The following ZRANB3 variants were observed in gnomAD, a reference collection of about 807,000 sequenced individuals.
ZRANB3 encodes the protein zinc finger RANBP2-type containing 3.
A neutral mutation model predicts 133.8 loss-of-function variants in ZRANB3; 125 were observed. That is an observed-to-expected ratio of 0.93 (90% CI 0.81 to 1.08). The LOEUF is 1.08. ZRANB3 is among the 50% of genes least tolerant of loss of function. ZRANB3 has a pLI of 0.00. For missense variants in ZRANB3, 1,229 were observed against 1,275.5 expected (o/e 0.96, Z 0.56); for synonymous variants, 387 against 432.7 (o/e 0.89, Z 1.31).
At chr2:135,341,219 G>C (rs1487594563) in intron 6 of ZRANB3, among the ~76,000 whole-genome samples, 1 of 149,544 alleles carries the variant, frequency 6.7e-6, no homozygotes, top group Non-Finnish European at 1.5e-5. Flanking sequence ...TAGTAGAGAC[G>C]GGGTTTCATC....
chr2:135,239,597 A>G (rs1159060442), intron 12 of ZRANB3, among the ~76,000 whole-genome samples: 1 of 152,250 alleles, frequency 6.6e-6, no homozygotes, highest in Non-Finnish European at 1.5e-5. Context: ...ACAAAAAGTT[A>G]TCTAATTAGT....
At chr2:135,513,271 G>A (rs1199201342) in intron 1 of ZRANB3, among the ~76,000 whole-genome samples, 1 of 152,094 alleles carries the variant, frequency 6.6e-6, no homozygotes. Flanking sequence ...TCTTGAAAAT[G>A]AACAAAGCTA....
At chr2:135,457,948 G>A (rs1690600466) in intron 2 of ZRANB3, among the ~76,000 whole-genome samples, 1 of 152,048 alleles carries the variant, frequency 6.6e-6, no homozygotes, top group Non-Finnish European at 1.5e-5. Context: ...TAATTTGGTT[G>A]TATGTTTTTA....
At chr2:135,529,533 GCT>G (rs1351410766) in intron 1 of ZRANB3, among the ~76,000 whole-genome samples, 1 of 151,950 alleles carries the variant, frequency 6.6e-6, no homozygotes, top group Non-Finnish European at 1.5e-5. Flanking sequence ...ACGGAGTCTC[GCT>G]CTGTCACCCG....
At chr2:135,338,715 T>C (rs1684485489) in intron 6 of ZRANB3, among the ~76,000 whole-genome samples, 1 of 152,232 alleles carries the variant, frequency 6.6e-6, no homozygotes. Flanking sequence ...TAATTTACAG[T>C]AAGTTCTCTA....
intron 8 of ZRANB3, among the ~76,000 whole-genome samples, chr2:135,308,404 G>C (rs1235556175): frequency 1.3e-5 from 2 of 152,216 alleles, no homozygotes; most frequent in African/African-American, 4.8e-5. Flanking sequence ...GTGTAAGAAA[G>C]GGGTATTGAA....
intron 3 of ZRANB3, among the ~76,000 whole-genome samples, chr2:135,387,672 C>T (rs1687040992): frequency 1.3e-5 from 2 of 151,948 alleles, no homozygotes; most frequent in African/African-American, 4.8e-5. Context: ...AATAATGGGT[C>T]TTCAAAAATG....
intron 11 of ZRANB3, 102 bp from the exon 12 acceptor site, chr2:135,265,788 G>T: frequency 8.0e-7 from 1 of 1,249,022 alleles, no homozygotes. Flanking sequence ...TACCCACTAA[G>T]AAAATCTTAC....
chr2:135,402,354 G>A lies in ZRANB3; in HGVS notation c.162-11534C>T, dbSNP rs559904047. Among the ~76,000 whole-genome samples, 9 of 150,998 alleles carry A rather than the reference G, an allele frequency of 6.0e-5. No homozygotes were observed. In the East Asian group the frequency reaches 1.8e-3, roughly 29 times the overall value. Reference sequence around the variant, plus strand: ...CTGTTGCCCGGGCTGCAGTGCAGTGGCACGATCTTGGCTCACTGCAACCTC... The same window carrying A: ...CTGTTGCCCGGGCTGCAGTGCAGTGACACGATCTTGGCTCACTGCAACCTC... On this transcript the variant is annotated intron_variant, in intron 2 of 20. Coordinates refer to ENST00000264159, the MANE Select transcript of ZRANB3 (RefSeq NM_032143.4).
At chr2:135,239,777 A>G (rs1283276109) in intron 12 of ZRANB3, among the ~76,000 whole-genome samples, 1 of 151,776 alleles carries the variant, frequency 6.6e-6, no homozygotes, top group Non-Finnish European at 1.5e-5. Flanking sequence ...TCACGAGGTC[A>G]GGAGTTTGAG....
intron 3 of ZRANB3, among the ~76,000 whole-genome samples, chr2:135,370,409 T>C (rs1348270102): frequency 2.0e-5 from 3 of 152,122 alleles, no homozygotes; most frequent in Admixed American, 1.3e-4. Context: ...CTCTCAGTTA[T>C]GAGTGAGAAC....
intron 3 of ZRANB3, among the ~76,000 whole-genome samples, chr2:135,379,874 TAAAG>T (rs1260392178): frequency 6.6e-6 from 1 of 151,966 alleles, no homozygotes; most frequent in Non-Finnish European, 1.5e-5. Context: ...GCAAATTGGA[TAAAG>T]AGTCAAGACC....
chr2:135,302,955 C>A (rs956376546), intron 8 of ZRANB3, among the ~76,000 whole-genome samples: 1 of 151,974 alleles, frequency 6.6e-6, no homozygotes, highest in Non-Finnish European at 1.5e-5. Context: ...AAGCAAAAAA[C>A]AAGAGAGTTA....
chr2:135,262,098 T>G (rs535268652), intron 12 of ZRANB3, among the ~76,000 whole-genome samples: 107 of 142,646 alleles, frequency 7.5e-4, no homozygotes, highest in South Asian at 2.5e-3. Flanking sequence ...AGGTGGAGGT[T>G]GCAGTGAGCC....
At chr2:135,348,841 G>A (rs1255682104) in intron 5 of ZRANB3, among the ~76,000 whole-genome samples, 1 of 152,032 alleles carries the variant, frequency 6.6e-6, no homozygotes, top group Non-Finnish European at 1.5e-5. Flanking sequence ...TGATCCACTC[G>A]CCTCGGCTTC....
intron 2 of ZRANB3, among the ~76,000 whole-genome samples, chr2:135,406,366 G>T (rs1334101087): frequency 6.6e-6 from 1 of 152,170 alleles, no homozygotes; most frequent in East Asian, 1.9e-4. Flanking sequence ...GGACCAGATG[G>T]ATTCACAGCC....
chr2:135,210,696 G>A (rs951138822), intron 17 of ZRANB3, among the ~76,000 whole-genome samples: 1 of 152,162 alleles, frequency 6.6e-6, no homozygotes, highest in Admixed American at 6.5e-5. Flanking sequence ...CACTTTGGGA[G>A]GCCAAGATGG....
At chr2:135,336,450 A>G (rs1207219360) in intron 6 of ZRANB3, among the ~76,000 whole-genome samples, 9 of 152,222 alleles carry the variant, frequency 5.9e-5, no homozygotes, top group Admixed American at 5.2e-4. Context: ...CATTATGGAA[A>G]AATATATAGC....
chr2:135,511,545 C>G lies in ZRANB3; in HGVS notation c.-7-7049G>C, dbSNP rs983719931. The G allele has an allele frequency of 3.9e-6, 4 of 1,024,128 alleles. No homozygotes were observed. The African/African-American group carries it at 6.3e-5, about 16-fold the overall frequency. The allele number at this position is 1,024,128 out of a possible 1,614,324, so 63.4% of individuals were successfully genotyped here. On this transcript the variant is annotated intron_variant, in intron 1 of 20. Transcript: ENST00000264159. ...CAAACCCACCAAAGACCTCATCTTG[C>G]TATCTGAAGATATCATTGTGAACAT...
Sources: gnomAD v4.1 joint callset for allele counts (sites outside exome capture counted in the v4.1 genomes callset) on GRCh38, gnomAD v4.1.1 for gene constraint, MANE v1.5 for transcripts, NCBI Gene and HGNC (gene_info 2026-07-23, HGNC 2026-07-21) for gene names.